The following EIF4ENIF1 variants were observed in gnomAD, a reference collection of about 807,000 sequenced individuals.
EIF4ENIF1 encodes eukaryotic translation initiation factor 4E transporter.
In EIF4ENIF1, 23 loss-of-function variants were observed where a neutral mutation model predicts 110.5. That is an observed-to-expected ratio of 0.21 (90% CI 0.15 to 0.29). The LOEUF (loss-of-function observed/expected upper bound fraction) is 0.29, where lower values mean the gene tolerates loss of function less well. Ranked by LOEUF, EIF4ENIF1 falls within the 10% of genes least tolerant of loss-of-function variation. The pLI is 1.00. For synonymous variants in EIF4ENIF1, 440 were observed against 437.0 expected, an observed-to-expected ratio of 1.01 and a Z score of -0.09; for missense variants, 1,031 against 1,221.1, an observed-to-expected ratio of 0.84 and a Z score of 2.32.
At position 31,439,629 on chromosome 22, in the gene EIF4ENIF1, A is replaced by C. The variant is rs1028636113; in HGVS notation, c.*251T>G. The C allele has an allele frequency of 1.9e-6, 1 of 528,830 alleles. No individual in the cohort carries two copies. The highest frequency in any genetic ancestry group is 3.7e-5 in the Admixed American group (1 of 26,984). The allele number at this position is 528,830 out of a possible 1,614,324, so 32.8% of individuals were successfully genotyped here. A position where few individuals can be genotyped will look rare whatever the true frequency, so the allele number is the denominator to read the frequency against. On this transcript the variant is annotated 3_prime_UTR_variant, in exon 19 of 19. Transcript: ENST00000330125. Reference sequence around the variant, plus strand: ...GAGGACACCAACACTTCATTCACATATCTTACAAAAAAGAAAGACCATTTC... The same window carrying C: ...GAGGACACCAACACTTCATTCACATCTCTTACAAAAAAGAAAGACCATTTC...
chr22:31,440,044 ACC>A lies in EIF4ENIF1; in HGVS notation c.2792_2793del (p.Arg931LeufsTer49). 1 of 1,614,026 alleles carries A rather than the reference ACC, an allele frequency of 6.2e-7. No homozygotes were observed. Among genetic ancestry groups the A allele is most frequent in the African/African-American group, 1.3e-5 (1 of 75,032 alleles). On this transcript the variant is annotated frameshift_variant, in exon 19 of 19. Transcript: ENST00000330125. LOFTEE classifies it high-confidence loss of function. ...VQTTPQNVPS[R>X]SGLPHMHSQL... ...TGGGAGTGCATGTGGGGCAGGCCTG[ACC>A]GGCTGGGCACGTTCTGAGGGGTTGT...
At chr22:31,481,529 CT>C in intron 2 of EIF4ENIF1, among the ~76,000 whole-genome samples, 1 of 152,134 alleles carries the variant, frequency 6.6e-6, no homozygotes, top group Non-Finnish European at 1.5e-5. Context: ...ACCTGAGTTA[CT>C]ACTCAGTTTA....
intron 14 of EIF4ENIF1, among the ~76,000 whole-genome samples, 184 bp downstream of exon 14, chr22:31,447,239 CAGT>C (rs1414274358): frequency 2.0e-5 from 3 of 152,174 alleles, no homozygotes; most frequent in Non-Finnish European, 4.4e-5. Context: ...CTATGCCTTG[CAGT>C]AGAATTTAAT....
chr22:31,437,071 A>G (rs1298196922), downstream of EIF4ENIF1: 2 of 152,188 alleles, frequency 1.3e-5, no homozygotes, highest in African/African-American at 4.8e-5. Context: ...CTCAGTAGCT[A>G]TCTCCTAGGG....
At chr22:31,465,264 A>G (rs1158511075) in intron 4 of EIF4ENIF1, among the ~76,000 whole-genome samples, 2 of 150,162 alleles carry the variant, frequency 1.3e-5, no homozygotes, top group Admixed American at 6.7e-5. Flanking sequence ...TGGAGGTTGC[A>G]GTGAGCTGAG....
At chr22:31,486,160 C>T (rs1601661768) in intron 2 of EIF4ENIF1, among the ~76,000 whole-genome samples, 1 of 151,946 alleles carries the variant, frequency 6.6e-6, no homozygotes, top group African/African-American at 2.4e-5. Context: ...ATCCCAGCTA[C>T]TTGGGAGGCT....
At chr22:31,474,349 C>A (rs1405252610) in intron 2 of EIF4ENIF1, among the ~76,000 whole-genome samples, 1 of 152,188 alleles carries the variant, frequency 6.6e-6, no homozygotes, top group Non-Finnish European at 1.5e-5. Context: ...GCGTGAGCCA[C>A]CGTGCCCGGC....
intron 3 of EIF4ENIF1, among the ~76,000 whole-genome samples, chr22:31,470,164 C>CAAAAA (rs61046632): frequency 1.0e-5 from 1 of 98,440 alleles, no homozygotes; most frequent in Non-Finnish European, 2.0e-5. Flanking sequence ...AACTCCACCT[C>CAAAAA]AAAAAAAAAA....
intron 7 of EIF4ENIF1, among the ~76,000 whole-genome samples, chr22:31,456,537 GAC>G (rs2050837463): frequency 1.4e-5 from 2 of 147,492 alleles, no homozygotes; most frequent in Middle Eastern, 7.9e-3. Flanking sequence ...ATTTTTTTAA[GAC>G]AGTCTCGCTC....
At position 31,463,096 on chromosome 22, in the gene EIF4ENIF1, C is replaced by G. The variant is rs762590530; in HGVS notation, c.623G>C (p.Arg208Pro). 6.2e-7 allele frequency: 1 copy of G among 1,614,098 alleles called. No individual in the cohort carries two copies. The highest frequency in any genetic ancestry group is 1.3e-5 in the African/African-American group (1 of 75,012). ...TTCTGTGTAAGAATCATTTCTTCTACGCTCACCAAAGACACGCTTACTATC... is the reference window on the plus strand; with the variant it reads ...TTCTGTGTAAGAATCATTTCTTCTAGGCTCACCAAAGACACGCTTACTATC... ...FGDSKRVFGERRRNDSYTEEE... is the reference protein window; with the variant it reads ...FGDSKRVFGEPRRNDSYTEEE... Residue 208 changes from arginine to proline, a missense_variant, in exon 6 of 19, where the codon CGT becomes CCT. Physicochemically the swap from Arg to Pro is moderately radical, Grantham distance 103. Around this residue, in one of 3 missense-constraint regions of EIF4ENIF1, gnomAD observed 704 missense variants for 879.7 expected, o/e 0.80. Coordinates refer to ENST00000330125, the MANE Select transcript of EIF4ENIF1 (RefSeq NM_019843.4).
chr22:31,490,157 A>G (rs2052216717), upstream of EIF4ENIF1, among the ~76,000 whole-genome samples: 1 of 152,216 alleles, frequency 6.6e-6, no homozygotes, highest in Non-Finnish European at 1.5e-5. Flanking sequence ...TGCAGGGCAG[A>G]GCGGACGGCA....
At chr22:31,446,924 T>G in intron 14 of EIF4ENIF1, 1 of 451,270 alleles carries the variant, frequency 2.2e-6, no homozygotes, top group South Asian at 1.7e-5. Context: ...TGTTAACAGC[T>G]CTGATCAACA....
intron 2 of EIF4ENIF1, among the ~76,000 whole-genome samples, chr22:31,478,949 CAAAA>C (rs377466384): frequency 1.1e-5 from 1 of 89,244 alleles, no homozygotes. Context: ...GAGACTGTTT[CAAAA>C]AAAAAAAAAA....
chr22:31,455,077 T>G lies in EIF4ENIF1; in HGVS notation c.1279+59A>C, dbSNP rs911447288. On this transcript the variant is annotated intron_variant, in intron 9 of 18. Transcript: ENST00000330125. ...AGAGGTTATGTTAGACCCAACTGCC[T>G]GAAGACTGAACATCTAGACCTTTTC... 14 of 1,459,194 alleles carry G rather than the reference T, an allele frequency of 9.6e-6. No individual in the cohort carries two copies. The African/African-American group carries it at 1.6e-4, about 16-fold the overall frequency. The allele number at this position is 1,459,194 out of a possible 1,614,324, so 90.4% of individuals were successfully genotyped here.
At chr22:31,453,249 A>C in intron 10 of EIF4ENIF1, 1 of 256,422 alleles carries the variant, frequency 3.9e-6, no homozygotes, top group Admixed American at 4.5e-5. Flanking sequence ...TGCATTTACA[A>C]GGTGATATGC....
chr22:31,477,702 C>T (rs918786942), intron 2 of EIF4ENIF1, among the ~76,000 whole-genome samples: 7 of 152,148 alleles, frequency 4.6e-5, no homozygotes, highest in Non-Finnish European at 8.8e-5. Context: ...TGCCAGGGCG[C>T]ACTTTTGACC....
chr22:31,480,248 A>G (rs1429531812), intron 2 of EIF4ENIF1, among the ~76,000 whole-genome samples: 1 of 152,158 alleles, frequency 6.6e-6, no homozygotes, highest in Non-Finnish European at 1.5e-5. Context: ...CCCAAAACCT[A>G]TTGGGGAATT....
chr22:31,463,986 G>T lies in EIF4ENIF1; in HGVS notation c.299-19C>A. 1 of 1,602,324 alleles carries T rather than the reference G, an allele frequency of 6.2e-7. No individual in the cohort carries two copies. Among genetic ancestry groups the T allele is most frequent in the Admixed American group, 1.7e-5 (1 of 59,366 alleles). ...CGTGGATCTGGAAGGACGTGGGAAAGACAAAGTTAAACAAACCAACAAGGG... is the reference window on the plus strand; with the variant it reads ...CGTGGATCTGGAAGGACGTGGGAAATACAAAGTTAAACAAACCAACAAGGG... On this transcript the variant is annotated intron_variant, in intron 4 of 18. Transcript: ENST00000330125.
intron 10 of EIF4ENIF1, 77 bp downstream of exon 10, chr22:31,454,067 A>T: frequency 4.4e-6 from 6 of 1,355,356 alleles, no homozygotes; most frequent in Non-Finnish European, 6.1e-6. Flanking sequence ...ATACCTTTTT[A>T]AAAATCCTTT....
Sources: gnomAD v4.1 joint callset for allele counts (sites outside exome capture counted in the v4.1 genomes callset) on GRCh38, gnomAD v4.1.1 for gene constraint, gnomAD v4.1.1 regional missense constraint, MANE v1.5 for transcripts, NCBI Gene and HGNC (gene_info 2026-07-23, HGNC 2026-07-21) for gene names.